EPHA6: variants seen among roughly 807,000 people sequenced by gnomAD.
The protein encoded by EPHA6 is EPH receptor A6.
In EPHA6, 50 loss-of-function variants were observed where a neutral mutation model predicts 112.0. That is an observed-to-expected ratio of 0.45 (90% CI 0.36 to 0.56). The LOEUF (loss-of-function observed/expected upper bound fraction) is 0.56, where lower values mean the gene tolerates loss of function less well. Ranked by LOEUF, EPHA6 falls within the 20% of genes least tolerant of loss-of-function variation. The pLI, the probability that EPHA6 is intolerant of heterozygous loss-of-function variation, is 0.00. For synonymous variants in EPHA6, 529 were observed against 490.7 expected, an observed-to-expected ratio of 1.08 and a Z score of -1.03; for missense variants, 1,280 against 1,417.4, an observed-to-expected ratio of 0.90 and a Z score of 1.56.
intron 5 of EPHA6, among the ~76,000 whole-genome samples, chr3:97,383,573 G>A (rs771046856): frequency 3.9e-5 from 6 of 152,014 alleles, no homozygotes; most frequent in South Asian, 2.1e-4. Flanking sequence ...GGAGAATTGC[G>A]AGAAAGTATA....
chr3:97,747,633 T>G, intron 17 of EPHA6, 61 bp downstream of exon 17: 15 of 1,430,310 alleles, frequency 1.0e-5, no homozygotes, highest in Non-Finnish European at 1.4e-5. Flanking sequence ...TAAGTTCAAA[T>G]GCTGTATCAA....
chr3:97,541,486 C>T (rs1254822427), intron 11 of EPHA6, among the ~76,000 whole-genome samples: 1 of 152,118 alleles, frequency 6.6e-6, no homozygotes, highest in African/African-American at 2.4e-5. Context: ...CAACCTAATA[C>T]TAAACTATAG....
chr3:97,275,877 G>GA (rs966215981), intron 5 of EPHA6, among the ~76,000 whole-genome samples: 3 of 151,698 alleles, frequency 2.0e-5, no homozygotes, highest in Admixed American at 6.6e-5. Flanking sequence ...GAACTGGGGG[G>GA]AAAGGTGGCA....
chr3:96,916,540 A>G (rs1458333402), intron 2 of EPHA6, among the ~76,000 whole-genome samples: 1 of 152,136 alleles, frequency 6.6e-6, no homozygotes, highest in East Asian at 1.9e-4. Flanking sequence ...CAAATCCACA[A>G]TTACTTTTGT....
chr3:97,531,385 G>A (rs2092693108), intron 10 of EPHA6, among the ~76,000 whole-genome samples: 1 of 151,932 alleles, frequency 6.6e-6, no homozygotes, highest in Admixed American at 6.6e-5. Context: ...CTGTGTCCAT[G>A]TCATTCTCTC....
At chr3:97,375,849 C>A (rs1307665693) in intron 5 of EPHA6, among the ~76,000 whole-genome samples, 1 of 152,054 alleles carries the variant, frequency 6.6e-6, no homozygotes, top group Non-Finnish European at 1.5e-5. Context: ...CTCTATGATT[C>A]ATTTATATAG....
At chr3:97,449,250 T>A (rs1212407454) in intron 7 of EPHA6, among the ~76,000 whole-genome samples, 3 of 152,018 alleles carry the variant, frequency 2.0e-5, no homozygotes, top group African/African-American at 4.8e-5. Flanking sequence ...ATGAAGGGAG[T>A]GAGATATTCC....
intron 14 of EPHA6, among the ~76,000 whole-genome samples, chr3:97,676,263 G>A (rs2031370043): frequency 6.6e-6 from 1 of 152,082 alleles, no homozygotes; most frequent in African/African-American, 2.4e-5. Flanking sequence ...AGGATACTGA[G>A]AAGGAATTAC....
chr3:96,879,824 T>G (rs2037201588), intron 2 of EPHA6, among the ~76,000 whole-genome samples: 1 of 152,148 alleles, frequency 6.6e-6, no homozygotes, highest in Non-Finnish European at 1.5e-5. Flanking sequence ...TGTTGGTGCA[T>G]AGAGTGCTAC....
At chr3:97,099,923 G>A (rs2047354602) in intron 3 of EPHA6, among the ~76,000 whole-genome samples, 1 of 151,976 alleles carries the variant, frequency 6.6e-6, no homozygotes, top group Admixed American at 6.6e-5. Flanking sequence ...ATTGCTGTTA[G>A]TCTACCTTGA....
chr3:97,327,916 T>C lies in EPHA6; in HGVS notation c.1607-77234T>C, dbSNP rs2082528839. Among the ~76,000 whole-genome samples the C allele has an allele frequency of 3.1e-5, 4 of 127,616 alleles. No individual in the cohort carries two copies. The Admixed American group carries it at 3.3e-4, about 10-fold the overall frequency. 83.7% of individuals were successfully genotyped at this position (127,616 alleles called of 152,430 possible). On this transcript the variant is annotated intron_variant, in intron 5 of 17. Coordinates refer to ENST00000389672, the MANE Select transcript of EPHA6 (RefSeq NM_001080448.3). ...ATATGTATATGTGTGTATATATATG[T>C]ATATGTGCATATATATGTATATGTG...
At chr3:97,417,885 C>T (rs1490784198) in intron 6 of EPHA6, among the ~76,000 whole-genome samples, 1 of 152,014 alleles carries the variant, frequency 6.6e-6, no homozygotes, top group Non-Finnish European at 1.5e-5. Context: ...AAATATAAGA[C>T]TCAGACACCA....
At chr3:97,415,206 T>A (rs1428478345) in intron 6 of EPHA6, among the ~76,000 whole-genome samples, 1 of 152,110 alleles carries the variant, frequency 6.6e-6, no homozygotes, top group Non-Finnish European at 1.5e-5. Context: ...AGTAGTTATC[T>A]GTAATCTAAA....
chr3:97,648,301 C>CT (rs752454261), intron 14 of EPHA6: 7 of 1,299,672 alleles, frequency 5.4e-6, no homozygotes, highest in Non-Finnish European at 7.8e-6. Context: ...CTTCCAAACT[C>CT]TAACACTTAA....
chr3:96,938,558 G>T (rs1189672646), intron 2 of EPHA6, among the ~76,000 whole-genome samples: 1 of 152,046 alleles, frequency 6.6e-6, no homozygotes, highest in Non-Finnish European at 1.5e-5. Flanking sequence ...CTGCAAACAG[G>T]GACAATTTGA....
intron 2 of EPHA6, among the ~76,000 whole-genome samples, chr3:96,896,027 T>C (rs1294263513): frequency 3.3e-5 from 5 of 152,214 alleles, no homozygotes; most frequent in African/African-American, 9.6e-5. Flanking sequence ...TATACTCTTA[T>C]GATGTTTGCA....
chr3:97,548,441 G>A (rs1437367183), intron 11 of EPHA6, among the ~76,000 whole-genome samples: 1 of 152,096 alleles, frequency 6.6e-6, no homozygotes, highest in African/African-American at 2.4e-5. Flanking sequence ...TTTGGGGAGG[G>A]ATAATTTAGG....
intron 11 of EPHA6, among the ~76,000 whole-genome samples, chr3:97,556,056 A>G (rs894501218): frequency 2.6e-5 from 4 of 151,996 alleles, no homozygotes; most frequent in Non-Finnish European, 5.9e-5. Flanking sequence ...CCCCAGGTAT[A>G]GGAAAACTAG....
intron 10 of EPHA6, among the ~76,000 whole-genome samples, chr3:97,501,608 A>G (rs2092119006): frequency 6.6e-6 from 1 of 152,060 alleles, no homozygotes; most frequent in African/African-American, 2.4e-5. Context: ...TTATTTTAAT[A>G]TAATTTAGAA....
Sources: allele counts gnomAD v4.1 joint callset (sites outside exome capture counted in the v4.1 genomes callset), GRCh38; gene constraint gnomAD v4.1.1; transcripts MANE v1.5; gene names NCBI Gene and HGNC (gene_info 2026-07-23, HGNC 2026-07-21).